The following HFM1 variants were observed in gnomAD, a reference collection of about 807,000 sequenced individuals.
HFM1 encodes helicase for meiosis 1.
In HFM1, 169 loss-of-function variants were observed where a neutral mutation model predicts 192.1. The ratio of observed to expected loss-of-function variants is 0.88; its 90% confidence interval spans 0.78 to 1.00. The LOEUF is 1.00. Ranked by LOEUF, HFM1 falls within the 50% of genes least tolerant of loss-of-function variation. The pLI is 0.00. For missense variants in HFM1, 1,661 were observed against 1,668.0 expected (o/e 1.00, Z 0.07); for synonymous variants, 525 against 537.8 (o/e 0.98, Z 0.33).
At chr1:91,334,770 A>T (rs1203468103) in intron 20 of HFM1, among the ~76,000 whole-genome samples, 19 of 151,970 alleles carry the variant, frequency 1.3e-4, no homozygotes, top group Non-Finnish European at 2.9e-5. Context: ...CTCTACTAAA[A>T]ATACAAAAAT....
chr1:91,353,158 A>G lies in HFM1; in HGVS notation c.1730-6T>C. ...AGCACCATCTTTTAAGATATCTGTA[A>G]TAGAAATATATCAGCTGTTACTATT... is the stretch of plus-strand genomic sequence containing the variant. On this transcript the variant is annotated splice_polypyrimidine_tract_variant and splice_region_variant and intron_variant, in intron 14 of 38. Coordinates refer to ENST00000370425, the MANE Select transcript of HFM1 (RefSeq NM_001017975.6). 1 of 1,591,656 alleles carries G rather than the reference A, an allele frequency of 6.3e-7. No individual in the cohort carries two copies. The highest frequency in any genetic ancestry group is 8.6e-7 in the Non-Finnish European group (1 of 1,160,800).
chr1:91,372,604 G>T (rs1271683439), intron 13 of HFM1, among the ~76,000 whole-genome samples: 1 of 152,122 alleles, frequency 6.6e-6, no homozygotes, highest in African/African-American at 2.4e-5. Flanking sequence ...GGTGAATGGG[G>T]AGGGATAGCA....
intron 2 of HFM1, among the ~76,000 whole-genome samples, chr1:91,397,177 T>C (rs1340470435): frequency 3.3e-5 from 5 of 152,246 alleles, no homozygotes; most frequent in Non-Finnish European, 7.3e-5. Context: ...TACAAATTAA[T>C]GTCCTAACCG....
intron 13 of HFM1, among the ~76,000 whole-genome samples, chr1:91,371,260 C>T (rs996747642): frequency 1.3e-5 from 2 of 150,756 alleles, no homozygotes; most frequent in African/African-American, 4.9e-5. Flanking sequence ...TCACATGGAA[C>T]CGAAAAAGAG....
chr1:91,381,800 G>A (rs1438864692), intron 6 of HFM1, among the ~76,000 whole-genome samples: 1 of 152,130 alleles, frequency 6.6e-6, no homozygotes. Flanking sequence ...AGATGGTTAA[G>A]AACATATCTG....
At chr1:91,380,267 CAT>C (rs1455814939) in intron 7 of HFM1, 31 bp from the exon 8 acceptor site, 7 of 1,348,110 alleles carry the variant, frequency 5.2e-6, no homozygotes, top group Non-Finnish European at 2.0e-6. Context: ...AATCATGTAA[CAT>C]ATAGACTTTT....
chr1:91,333,221 A>G (rs1654083605), intron 20 of HFM1, among the ~76,000 whole-genome samples: 1 of 152,210 alleles, frequency 6.6e-6, no homozygotes, highest in South Asian at 2.1e-4. Context: ...CAACAGATGA[A>G]TGGATAAAGA....
At chr1:91,291,401 C>G (rs1570810067) in intron 30 of HFM1, among the ~76,000 whole-genome samples, 2 of 152,096 alleles carry the variant, frequency 1.3e-5, no homozygotes. Flanking sequence ...ATACAAACTA[C>G]CATCAGATAA....
chr1:91,356,153 A>C (rs1657700659), intron 13 of HFM1, among the ~76,000 whole-genome samples: 2 of 152,224 alleles, frequency 1.3e-5, no homozygotes, highest in Admixed American at 6.5e-5. Flanking sequence ...AAGAAACCAA[A>C]AGGGAAATTA....
chr1:91,351,141 A>G (rs1656884243), intron 17 of HFM1, among the ~76,000 whole-genome samples: 2 of 152,002 alleles, frequency 1.3e-5, no homozygotes, highest in Non-Finnish European at 2.9e-5. Context: ...CCAAAAGAGA[A>G]TACATTAAAT....
intron 13 of HFM1, among the ~76,000 whole-genome samples, chr1:91,366,244 A>T (rs1377442884): frequency 6.6e-6 from 1 of 152,234 alleles, no homozygotes; most frequent in Non-Finnish European, 1.5e-5. Flanking sequence ...ACTCATATAG[A>T]TAAGTTCAGC....
At position 91,261,321 on chromosome 1, in the gene HFM1, G is replaced by T; in HGVS notation, c.4277C>A (p.Ser1426Tyr). 1 of 1,417,268 alleles carries T rather than the reference G, an allele frequency of 7.1e-7. No individual in the cohort carries two copies. The highest frequency in any genetic ancestry group is 9.3e-7 in the Non-Finnish European group (1 of 1,071,714). 87.8% of individuals were successfully genotyped at this position (1,417,268 alleles called of 1,614,324 possible). A position where few individuals can be genotyped will look rare whatever the true frequency, so the allele number is the denominator to read the frequency against. The change falls in exon 39 of 39, where the codon TCT becomes TAT. Residue 1426 changes from serine to tyrosine, a missense_variant. By Grantham distance (144) the Ser-to-Tyr change is moderately radical. Coordinates refer to ENST00000370425, the MANE Select transcript of HFM1 (RefSeq NM_001017975.6). ...HPDDEADEMK[S>Y]LLGIFDGIF ...AATACCATCAAATATTCCCAATAAAGACTTCATTTCATCAGCTTCATCATC... is the reference window on the plus strand; with the variant it reads ...AATACCATCAAATATTCCCAATAAATACTTCATTTCATCAGCTTCATCATC...
At chr1:91,380,075 T>C in intron 8 of HFM1, 29 bp downstream of exon 8, 2 of 1,010,038 alleles carry the variant, frequency 2.0e-6, no homozygotes, top group Non-Finnish European at 1.4e-6. Context: ...TTATTATAAT[T>C]AGTCATCACT....
At chr1:91,347,835 C>T (rs1656346109) in intron 18 of HFM1, among the ~76,000 whole-genome samples, 1 of 152,110 alleles carries the variant, frequency 6.6e-6, no homozygotes, top group African/African-American at 2.4e-5. Flanking sequence ...CCCTTTAACA[C>T]AATAATTTCA....
At chr1:91,365,839 T>A (rs989042957) in intron 13 of HFM1, among the ~76,000 whole-genome samples, 9 of 152,056 alleles carry the variant, frequency 5.9e-5, no homozygotes, top group African/African-American at 2.2e-4. Context: ...GATGATTGAT[T>A]CTCACATATA....
chr1:91,329,624 A>C, intron 20 of HFM1: 1 of 794,566 alleles, frequency 1.3e-6, no homozygotes, highest in Non-Finnish European at 2.0e-6. Flanking sequence ...GAGCATTCTA[A>C]GGTTTTTCTA....
chr1:91,349,265 G>T (rs1333947459), intron 18 of HFM1, among the ~76,000 whole-genome samples: 1 of 143,438 alleles, frequency 7.0e-6, no homozygotes. Flanking sequence ...TCCAGTCTGG[G>T]CAATCAAGAG....
intron 30 of HFM1, among the ~76,000 whole-genome samples, chr1:91,279,327 A>C (rs149984639): frequency 6.6e-6 from 1 of 152,294 alleles, no homozygotes; most frequent in East Asian, 1.9e-4. Flanking sequence ...TAAACTTTGT[A>C]AAGTGTGTCA....
intron 2 of HFM1, among the ~76,000 whole-genome samples, 179 bp from the exon 3 acceptor site, chr1:91,396,584 G>T (rs899867166): frequency 1.3e-5 from 2 of 152,112 alleles, no homozygotes; most frequent in African/African-American, 4.8e-5. Flanking sequence ...ATATATCATA[G>T]GATTAATGAT....
Sources: allele counts gnomAD v4.1 joint callset (sites outside exome capture counted in the v4.1 genomes callset), GRCh38; gene constraint gnomAD v4.1.1; transcripts MANE v1.5; gene names NCBI Gene and HGNC (gene_info 2026-07-23, HGNC 2026-07-21).